The following MAGI3 variants were observed in gnomAD, a reference collection of about 807,000 sequenced individuals.
MAGI3 encodes membrane-associated guanylate kinase, WW and PDZ domain-containing protein 3.
In MAGI3, 43 loss-of-function variants were observed where a neutral mutation model predicts 121.8. That is an observed-to-expected ratio of 0.35 (90% CI 0.28 to 0.46). MAGI3 has a LOEUF of 0.46. Ranked by LOEUF, MAGI3 falls within the 20% of genes least tolerant of loss-of-function variation. MAGI3 has a pLI of 1.00. For missense variants in MAGI3, 1,547 were observed against 1,797.3 expected (o/e 0.86, Z 2.52); for synonymous variants, 553 against 639.3 (o/e 0.86, Z 2.04).
chr1:113,579,547 T>C (rs1647875393), intron 2 of MAGI3, among the ~76,000 whole-genome samples: 2 of 152,050 alleles, frequency 1.3e-5, no homozygotes, highest in Admixed American at 1.3e-4. Context: ...ATTGATAGGT[T>C]TAGAGAGAGA....
In MAGI3 at chr1:113,391,763, A is replaced by T. The variant is rs1232807233; in HGVS notation, c.316+414A>T. 6.6e-6 allele frequency among the ~76,000 whole-genome samples: 1 copy of T among 152,240 alleles called. No homozygotes were observed. Among genetic ancestry groups the T allele is most frequent in the Non-Finnish European group, 1.5e-5 (1 of 68,038 alleles). On this transcript the variant is annotated intron_variant, in intron 1 of 20. Transcript: ENST00000307546. This position sits in a 1 kb window ranked among gnomAD's most constrained non-coding sequence, Gnocchi z 4.4. ...CTAACAGGGAAAAAGGGACTTTACT[A>T]TAGAGGCACTTGGTGCCAAGGTTAC...
intron 6 of MAGI3, among the ~76,000 whole-genome samples, chr1:113,605,840 C>T (rs1048961744): frequency 2.6e-5 from 4 of 151,970 alleles, no homozygotes; most frequent in Non-Finnish European, 5.9e-5. Context: ...CCTCGTGATC[C>T]GCCTGCCTCG....
chr1:113,675,672 A>G (rs967270930), intron 19 of MAGI3, among the ~76,000 whole-genome samples: 1 of 152,220 alleles, frequency 6.6e-6, no homozygotes, highest in African/African-American at 2.4e-5. Flanking sequence ...AAGGCATGTA[A>G]TTAGTGGACT....
At chr1:113,617,825 C>T (rs969641093) in intron 7 of MAGI3, among the ~76,000 whole-genome samples, 6 of 152,120 alleles carry the variant, frequency 3.9e-5, no homozygotes, top group African/African-American at 1.2e-4. Flanking sequence ...TTTATTTTCA[C>T]AGAGTTAAAC....
At position 113,484,358 on chromosome 1, in the gene MAGI3, G is replaced by A. The variant is rs186312417; in HGVS notation, c.317-65157G>A. Among the ~76,000 whole-genome samples the A allele has an allele frequency of 2.1e-3, 314 of 152,192 alleles. 4 individuals carry two copies. Among genetic ancestry groups the A allele is most frequent in the African/African-American group, 7.3e-3 (305 of 41,528 alleles). ...TTTTAGTGCACCCATCACCCAAGCA[G>A]TGTACACTGTACCCAGTGTGTAGTC... On this transcript the variant is annotated intron_variant, in intron 1 of 20. Coordinates refer to ENST00000307546, the MANE Select transcript of MAGI3 (RefSeq NM_001142782.2).
In MAGI3 at chr1:113,585,532, T is replaced by G. The variant is rs1439155921; in HGVS notation, c.699T>G (p.Asp233Glu). The change falls in exon 4 of 21, where the codon GAT becomes GAG. Residue 233 changes from aspartate to glutamate, a missense_variant. By Grantham distance (45) the Asp-to-Glu change is conservative. Transcript: ENST00000307546. Reference protein sequence around the residue: ...TTSVSKMERMDSSLPEEEEDE... With the variant: ...TTSVSKMERMESSLPEEEEDE... ...CTGTCAGCAAGATGGAAAGAATGGA[T>G]AGCTCTCTTCCTGAAGAGGAAGAAG... 2 of 1,614,032 alleles carry G rather than the reference T, an allele frequency of 1.2e-6. No individual in the cohort carries two copies. Among genetic ancestry groups the G allele is most frequent in the East Asian group, 4.5e-5 (2 of 44,898 alleles).
intron 1 of MAGI3, among the ~76,000 whole-genome samples, chr1:113,515,856 C>T (rs1196870084): frequency 6.6e-6 from 1 of 152,066 alleles, no homozygotes; most frequent in Non-Finnish European, 1.5e-5. Context: ...TTATTGAAAT[C>T]ATTCCACAGA....
intron 1 of MAGI3, among the ~76,000 whole-genome samples, chr1:113,414,771 AAAAAAT>A (rs1384677147): frequency 6.6e-6 from 1 of 152,048 alleles, no homozygotes; most frequent in African/African-American, 2.4e-5. Flanking sequence ...ATATAAAAAT[AAAAAAT>A]AAAATAGTTA....
chr1:113,472,204 G>GTTT (rs752606893), intron 1 of MAGI3, among the ~76,000 whole-genome samples: 1 of 137,808 alleles, frequency 7.3e-6, no homozygotes, highest in Non-Finnish European at 1.6e-5. Flanking sequence ...GATAGATCTT[G>GTTT]TTTTTTTTTT....
intron 1 of MAGI3, among the ~76,000 whole-genome samples, chr1:113,538,376 G>A (rs1267905965): frequency 2.6e-5 from 4 of 152,152 alleles, no homozygotes; most frequent in Non-Finnish European, 4.4e-5. Context: ...AGATGGTTTT[G>A]TACGCTCCTG....
intron 19 of MAGI3, among the ~76,000 whole-genome samples, chr1:113,674,952 A>G (rs1369190688): frequency 6.6e-6 from 1 of 152,244 alleles, no homozygotes; most frequent in African/African-American, 2.4e-5. Flanking sequence ...GGCTGAATAA[A>G]TGAGCAATGG....
chr1:113,654,078 T>C, intron 15 of MAGI3, 60 bp downstream of exon 15: 4 of 1,353,986 alleles, frequency 3.0e-6, no homozygotes, highest in Non-Finnish European at 3.0e-6. Flanking sequence ...AGGCTCCCAC[T>C]GGAGTTTATG....
intron 1 of MAGI3, among the ~76,000 whole-genome samples, chr1:113,508,242 A>G (rs190521489): frequency 6.6e-6 from 1 of 152,332 alleles, no homozygotes; most frequent in East Asian, 1.9e-4. Context: ...AACATGGGAA[A>G]TGTACATTTT....
intron 3 of MAGI3, among the ~76,000 whole-genome samples, chr1:113,584,611 C>T (rs1318744559): frequency 6.6e-6 from 1 of 152,196 alleles, no homozygotes; most frequent in East Asian, 1.9e-4. Context: ...TACATACTTC[C>T]TCATTTTACC....
rs1439339955 is a variant in MAGI3 at position 113,391,656 on chromosome 1, A to G, written c.316+307A>G. Among the ~76,000 whole-genome samples, 1 of 152,196 alleles carries G rather than the reference A, an allele frequency of 6.6e-6. No homozygotes were observed. The highest frequency in any genetic ancestry group is 6.5e-5 in the Admixed American group (1 of 15,286). On this transcript the variant is annotated intron_variant, in intron 1 of 20. Transcript: ENST00000307546. The surrounding 1 kb of genome is among the most constrained non-coding windows in gnomAD (Gnocchi z 4.4). ...CCCCCGCAGACAAGAGTTTTTGACTAGAGAAGGCCAGCCTTTTCCTGTGTT... is the reference window on the plus strand; with the variant it reads ...CCCCCGCAGACAAGAGTTTTTGACTGGAGAAGGCCAGCCTTTTCCTGTGTT...
At chr1:113,566,536 A>G (rs764820615) in intron 2 of MAGI3, among the ~76,000 whole-genome samples, 2 of 152,220 alleles carry the variant, frequency 1.3e-5, no homozygotes, top group South Asian at 2.1e-4. Context: ...AAGATTCTCT[A>G]TGATAAACCA....
intron 1 of MAGI3, among the ~76,000 whole-genome samples, chr1:113,540,500 TATTTATGTGTACACAGCACTGTAG>T (rs984130353): frequency 3.9e-5 from 6 of 152,204 alleles, no homozygotes; most frequent in Non-Finnish European, 5.9e-5. Flanking sequence ...GCTTTAACCT[TATTTATGTGTACACAGCACTGTAG>T]ATTTATGTGT....
intron 1 of MAGI3, among the ~76,000 whole-genome samples, chr1:113,519,721 C>G (rs1453626525): frequency 6.6e-6 from 1 of 152,142 alleles, no homozygotes; most frequent in Non-Finnish European, 1.5e-5. Flanking sequence ...ATGTCATATG[C>G]CAGGGAAGCT....
chr1:113,631,453 A>G (rs778773983), intron 9 of MAGI3, among the ~76,000 whole-genome samples: 1 of 152,142 alleles, frequency 6.6e-6, no homozygotes, highest in Non-Finnish European at 1.5e-5. Flanking sequence ...ATTATCTTTG[A>G]TGGTGGGCCA....
Sources: allele counts gnomAD v4.1 joint callset (sites outside exome capture counted in the v4.1 genomes callset), GRCh38; gene constraint gnomAD v4.1.1; non-coding constraint Gnocchi (gnomAD v3.1); transcripts MANE v1.5; gene names NCBI Gene and HGNC (gene_info 2026-07-23, HGNC 2026-07-21).